TMCC1: variants seen among roughly 807,000 people sequenced by gnomAD.
The protein encoded by TMCC1 is transmembrane and coiled-coil domains protein 1.
Under a neutral mutation model 52.4 loss-of-function variants are expected in TMCC1, and 15 were observed. The observed-to-expected ratio is 0.29, with a 90% CI of 0.19 to 0.44. The LOEUF is 0.44. Among genes scored for constraint, TMCC1 ranks in the 20% least tolerant of loss-of-function variants. The pLI is 1.00. For synonymous variants in TMCC1, 279 were observed against 301.9 expected (o/e 0.92, Z 0.79); for missense variants, 503 against 806.0 (o/e 0.62, Z 4.55).
chr3:129,793,904 G>C (rs541930646), intron 4 of TMCC1, among the ~76,000 whole-genome samples: 1 of 152,206 alleles, frequency 6.6e-6, no homozygotes, highest in African/African-American at 2.4e-5. Context: ...CTATTTTGTG[G>C]TAGTTTTTCT....
chr3:129,874,787 T>C (rs1227941899), intron 2 of TMCC1, among the ~76,000 whole-genome samples: 1 of 152,008 alleles, frequency 6.6e-6, no homozygotes, highest in African/African-American at 2.4e-5. Flanking sequence ...AGCCCAGCAG[T>C]TTGAAGTTGC....
chr3:129,805,934 CA>C (rs968406399), intron 4 of TMCC1, among the ~76,000 whole-genome samples: 7 of 149,066 alleles, frequency 4.7e-5, no homozygotes, highest in Non-Finnish European at 7.4e-5. Context: ...CCTGTCTCTT[CA>C]AAAAAAAACA....
intron 5 of TMCC1, among the ~76,000 whole-genome samples, chr3:129,661,282 T>C (rs1178765824): frequency 6.6e-6 from 1 of 152,110 alleles, no homozygotes; most frequent in Non-Finnish European, 1.5e-5. Flanking sequence ...AAAAATTAGC[T>C]GGGCATAGTG....
chr3:129,740,033 C>G (rs1315320504), intron 4 of TMCC1, among the ~76,000 whole-genome samples: 2 of 152,250 alleles, frequency 1.3e-5, no homozygotes, highest in African/African-American at 4.8e-5. Flanking sequence ...TTTCTCAACT[C>G]AATTGTTCCT....
At chr3:129,764,777 ATATATATATATATTTTTTTTTTTTT>A (rs1387046624) in intron 4 of TMCC1, among the ~76,000 whole-genome samples, 12 of 70,928 alleles carry the variant, frequency 1.7e-4, no homozygotes, top group African/African-American at 7.7e-4. Context: ...ATATATATAT[ATATATATATATATTTTTTTTTTTTT>A]TTTTTTTTTT....
At chr3:129,885,713 C>G (rs2061662627) in intron 1 of TMCC1, among the ~76,000 whole-genome samples, 1 of 152,064 alleles carries the variant, frequency 6.6e-6, no homozygotes. Context: ...GGAATCCTGC[C>G]TACTATCCCT....
chr3:129,767,732 T>C (rs747922054), intron 4 of TMCC1, among the ~76,000 whole-genome samples: 3 of 152,208 alleles, frequency 2.0e-5, no homozygotes, highest in Admixed American at 6.5e-5. Context: ...GGATATTTCA[T>C]GAAAATGTAA....
At chr3:129,712,014 A>AG (rs2048734074) in intron 4 of TMCC1, among the ~76,000 whole-genome samples, 2 of 147,722 alleles carry the variant, frequency 1.4e-5, no homozygotes, top group Non-Finnish European at 3.0e-5. Context: ...AAAAAAAAAA[A>AG]AAAAAAAAAA....
chr3:129,802,494 C>T (rs986081085), intron 4 of TMCC1, among the ~76,000 whole-genome samples: 3 of 152,198 alleles, frequency 2.0e-5, no homozygotes, highest in African/African-American at 7.2e-5. Flanking sequence ...GTAGTCCCAG[C>T]TACTTGGAAG....
intron 2 of TMCC1, among the ~76,000 whole-genome samples, chr3:129,850,191 C>G (rs1041078535): frequency 4.6e-5 from 7 of 152,164 alleles, no homozygotes; most frequent in African/African-American, 7.2e-5. Context: ...TCTGTCCTTT[C>G]AAACAATTCA....
intron 4 of TMCC1, among the ~76,000 whole-genome samples, chr3:129,714,725 T>G: frequency 6.6e-6 from 1 of 152,152 alleles, no homozygotes; most frequent in Non-Finnish European, 1.5e-5. Context: ...AAAAGCCAAC[T>G]TTAATTAGGC....
At chr3:129,876,943 C>T (rs566364493) in intron 2 of TMCC1, among the ~76,000 whole-genome samples, 2 of 152,108 alleles carry the variant, frequency 1.3e-5, no homozygotes, top group African/African-American at 4.8e-5. Flanking sequence ...GACAACAGAG[C>T]GAGACTCCAT....
chr3:129,703,396 A>C (rs1466887362), intron 4 of TMCC1, among the ~76,000 whole-genome samples: 1 of 152,220 alleles, frequency 6.6e-6, no homozygotes, highest in African/African-American at 2.4e-5. Flanking sequence ...CTACAACTAC[A>C]GTATTCTGCT....
intron 2 of TMCC1, among the ~76,000 whole-genome samples, chr3:129,858,779 A>C (rs1290692599): frequency 9.2e-5 from 14 of 152,204 alleles, no homozygotes; most frequent in Admixed American, 9.2e-4. Context: ...AGAAGCTGAG[A>C]AAATAAAAGG....
intron 4 of TMCC1, among the ~76,000 whole-genome samples, chr3:129,721,926 G>A (rs1452484922): frequency 3.9e-5 from 6 of 152,088 alleles, no homozygotes; most frequent in African/African-American, 7.2e-5. Context: ...ATGCAAGGAG[G>A]TCATATATGA....
At chr3:129,771,753 C>G (rs2054589688) in intron 4 of TMCC1, among the ~76,000 whole-genome samples, 1 of 110,524 alleles carries the variant, frequency 9.0e-6, no homozygotes, top group African/African-American at 3.2e-5. Context: ...TCGGCCTGGG[C>G]GTCAGAGCAA....
At chr3:129,879,118 TA>T (rs2061351424) in intron 2 of TMCC1, among the ~76,000 whole-genome samples, 1 of 152,224 alleles carries the variant, frequency 6.6e-6, no homozygotes, top group South Asian at 2.1e-4. Flanking sequence ...TTTGTCATCA[TA>T]AATTTAAAAA....
At chr3:129,688,617 GC>G (rs1178291422) in intron 4 of TMCC1, 1 of 985,344 alleles carries the variant, frequency 1.0e-6, no homozygotes, top group East Asian at 1.1e-4. Context: ...AACTCTTAGA[GC>G]TTTCTATATC....
intron 4 of TMCC1, among the ~76,000 whole-genome samples, chr3:129,695,504 C>T (rs773141931): frequency 3.9e-5 from 6 of 152,008 alleles, no homozygotes; most frequent in Non-Finnish European, 8.8e-5. Context: ...ACAATCATGG[C>T]GGAAGGGGAA....
Sources: gnomAD v4.1 joint callset for allele counts (sites outside exome capture counted in the v4.1 genomes callset) on GRCh38, gnomAD v4.1.1 for gene constraint, MANE v1.5 for transcripts, NCBI Gene and HGNC (gene_info 2026-07-23, HGNC 2026-07-21) for gene names.